Variants in HCN4 observed in about 807,000 individuals in gnomAD.
The protein encoded by HCN4 is hyperpolarization activated cyclic nucleotide gated potassium channel 4.
In HCN4, 29 loss-of-function variants were observed where a neutral mutation model predicts 76.9. That is an observed-to-expected ratio of 0.38 (90% confidence interval 0.28 to 0.51). The LOEUF (loss-of-function observed/expected upper bound fraction) is 0.51, where lower values mean the gene tolerates loss of function less well. Ranked by LOEUF, HCN4 falls within the 20% of genes least tolerant of loss-of-function variation. The probability of loss-of-function intolerance (pLI) is 0.90; values close to 1 mark genes in which losing one functional copy is unlikely to be tolerated. For missense variants in HCN4, 1,416 were observed against 1,715.2 expected (o/e 0.83, Z 3.08); for synonymous variants, 772 against 762.5 (o/e 1.01, Z -0.21).
At chr15:73,354,111 T>C (rs181343468) in intron 1 of HCN4, among the ~76,000 whole-genome samples, 2 of 152,356 alleles carry the variant, frequency 1.3e-5, no homozygotes, top group East Asian at 3.9e-4. Flanking sequence ...ATCTGGGGCT[T>C]GGTTTACAGG....
In HCN4 at chr15:73,343,911, G is replaced by T; in HGVS notation, c.786-103C>A. 1 of 1,275,932 alleles carries T rather than the reference G, an allele frequency of 7.8e-7. No homozygotes were observed. Among genetic ancestry groups the T allele is most frequent in the Non-Finnish European group, 1.1e-6 (1 of 886,446 alleles). The allele number at this position is 1,275,932 out of a possible 1,614,324, so 79.0% of individuals were successfully genotyped here. A position where few individuals can be genotyped will look rare whatever the true frequency, so the allele number is the denominator to read the frequency against. ...ACAGCATCTGGGACAGAGAAGTCTT[G>T]GGAGGTTCTGAGACAGGAAGACAGG... On this transcript the variant is annotated intron_variant, in intron 1 of 7. Coordinates refer to ENST00000261917, the MANE Select transcript of HCN4 (RefSeq NM_005477.3). The surrounding 1 kb of genome is among the most constrained non-coding windows in gnomAD (Gnocchi z 5.7).
chr15:73,343,345 G>C lies in HCN4; in HGVS notation c.1209+40C>G. 6.3e-7 allele frequency: 1 copy of C among 1,592,880 alleles called. No homozygotes were observed. The highest frequency in any genetic ancestry group is 8.6e-7 in the Non-Finnish European group (1 of 1,162,462). On this transcript the variant is annotated intron_variant, in intron 2 of 7. Transcript: ENST00000261917. The surrounding 1 kb of genome is among the most constrained non-coding windows in gnomAD (Gnocchi z 5.7). ...GCCAGTTCCTCACTCCCTCTGTGGG[G>C]AGTGGCCTTTCCCCCAAGAGGTTTG...
chr15:73,322,172 C>T lies in HCN4; in HGVS notation c.*309G>A, dbSNP rs2042862790. ...TAAGAACCGCCAACACTGGCCACTC[C>T]CACCCCTGCCCAGCCCCGGAGACCC... On this transcript the variant is annotated 3_prime_UTR_variant, in exon 8 of 8. Transcript: ENST00000261917. The T allele has an allele frequency of 2.6e-6, 1 of 384,014 alleles. No individual in the cohort carries two copies. Among genetic ancestry groups the T allele is most frequent in the East Asian group, 6.2e-5 (1 of 16,196 alleles). 23.8% of individuals were successfully genotyped at this position (384,014 alleles called of 1,614,324 possible).
intron 1 of HCN4, among the ~76,000 whole-genome samples, chr15:73,364,453 T>C (rs2043119659): frequency 6.6e-6 from 1 of 152,214 alleles, no homozygotes; most frequent in Non-Finnish European, 1.5e-5. Flanking sequence ...TTTGTTGTTG[T>C]TGTTGTTCCA....
In HCN4 at chr15:73,343,567, T is replaced by C. The variant is rs185719200; in HGVS notation, c.1027A>G (p.Met343Val). 6.8e-6 allele frequency: 11 copies of C among 1,614,208 alleles called. No homozygotes were observed. In the East Asian group the frequency reaches 1.6e-4, roughly 23 times the overall value. ...IKMKYLKSWF[M>V]VDFISSIPVD... The stretch of plus-strand genomic sequence containing the variant: ...GGGATGGAGGAAATGAAATCTACCA[T>C]GAACCAGCTTTTCAGGTACTTCATT... Residue 343 changes from methionine to valine, a missense_variant, in exon 2 of 8, where the codon ATG becomes GTG. Physicochemically the swap from Met to Val is conservative, Grantham distance 21. Around this residue, in one of 6 missense-constraint regions of HCN4, gnomAD observed 23 missense variants for 19.1 expected, o/e 1.21. Coordinates refer to ENST00000261917, the MANE Select transcript of HCN4 (RefSeq NM_005477.3). The surrounding 1 kb of genome is among the most constrained non-coding windows in gnomAD (Gnocchi z 5.7).
chr15:73,344,483 G>T (rs2151221464), intron 1 of HCN4, among the ~76,000 whole-genome samples: 1 of 152,242 alleles, frequency 6.6e-6, no homozygotes, highest in Middle Eastern at 3.4e-3. Context: ...CCTATAATCA[G>T]AAAATGTCTG....
chr15:73,361,732 T>C (rs1255711262), intron 1 of HCN4, among the ~76,000 whole-genome samples: 1 of 152,160 alleles, frequency 6.6e-6, no homozygotes, highest in East Asian at 1.9e-4. Context: ...AGCTAATGCC[T>C]TTCAGGGTAG....
intron 1 of HCN4, among the ~76,000 whole-genome samples, chr15:73,353,729 C>G (rs149688893): frequency 2.0e-4 from 31 of 152,224 alleles, no homozygotes; most frequent in African/African-American, 6.5e-4. Context: ...CCAGGGTGAG[C>G]AGGAGTCCTC....
At position 73,368,704 on chromosome 15, in the gene HCN4, A is replaced by AGGGC. The variant is rs1405059180; in HGVS notation, c.-438_-435dup. 1 of 151,926 alleles carries AGGGC rather than the reference A, an allele frequency of 6.6e-6. No homozygotes were observed. The highest frequency in any genetic ancestry group is 1.5e-5 in the Non-Finnish European group (1 of 68,244). The allele number at this position is 151,926 out of a possible 1,614,324, so 9.4% of individuals were successfully genotyped here. ...GGGTCCCGGGCGTGCGTCCCGCGGG[A>AGGGC]GGGCTGGCTGTCCGTCTGTCTCGCC... On this transcript the variant is annotated 5_prime_UTR_variant, in exon 1 of 8. Transcript: ENST00000261917. The surrounding 1 kb of genome is among the most constrained non-coding windows in gnomAD (Gnocchi z 6.9).
chr15:73,324,280 A>T, intron 6 of HCN4, 27 bp from the exon 7 acceptor site: 1 of 1,612,206 alleles, frequency 6.2e-7, no homozygotes, highest in Non-Finnish European at 8.5e-7. Flanking sequence ...ACTCAGGATG[A>T]GGCATGCACA....
In HCN4 at chr15:73,367,503, G is replaced by T; in HGVS notation, c.768C>A (p.His256Gln). The change falls in exon 1 of 8, where the codon CAC becomes CAA. Residue 256 changes from histidine to glutamine, a missense_variant. Around this residue, in one of 6 missense-constraint regions of HCN4, gnomAD observed 52 missense variants for 129.1 expected, o/e 0.40. Coordinates refer to ENST00000261917, the MANE Select transcript of HCN4 (RefSeq NM_005477.3). The surrounding 1 kb of genome is among the most constrained non-coding windows in gnomAD (Gnocchi z 7.5). ...CCCCTTACCTGAAGTCACTGTAGGG[G>T]TGGATAATCCAAAATCCGGCCGACT... ...RVKSAGFWIIHPYSDFRFYWD... is the reference protein window; with the variant it reads ...RVKSAGFWIIQPYSDFRFYWD... 1 of 1,613,834 alleles carries T rather than the reference G, an allele frequency of 6.2e-7. No individual in the cohort carries two copies. The highest frequency in any genetic ancestry group is 8.5e-7 in the Non-Finnish European group (1 of 1,180,012).
chr15:73,326,946 C>T (rs1382705940), intron 4 of HCN4, among the ~76,000 whole-genome samples: 1 of 151,746 alleles, frequency 6.6e-6, no homozygotes. Flanking sequence ...GCCACCACGC[C>T]TGGCTAATTT....
intron 1 of HCN4, among the ~76,000 whole-genome samples, chr15:73,354,987 T>A (rs558970230): frequency 4.6e-5 from 7 of 152,082 alleles, no homozygotes; most frequent in Non-Finnish European, 8.8e-5. Context: ...AGTAAGAGGG[T>A]TGATGCAGAA....
Position 73,322,493 on chromosome 15 carries a change from T to A in HCN4, c.3600A>T (p.Pro1200=), listed in dbSNP as rs529004. Reference sequence around the variant, plus strand: ...GGAAGGGCCCAGCTCATAGATTGGATGGCAGTTTGGAGCGCACTGGCTCAG... The same window carrying A: ...GGAAGGGCCCAGCTCATAGATTGGAAGGCAGTTTGGAGCGCACTGGCTCAG... ...ARPEPVRSKL[P]SNL is the part of the protein sequence containing the mutation. The change falls in exon 8 of 8, where the codon CCA becomes CCT. Residue 1200 remains proline, a synonymous_variant. Transcript: ENST00000261917. 1.3e-6 allele frequency: 2 copies of A among 1,593,820 alleles called. No homozygotes were observed. The highest frequency in any genetic ancestry group is 2.3e-5 in the East Asian group (1 of 43,968).
intron 2 of HCN4, among the ~76,000 whole-genome samples, chr15:73,334,273 G>C (rs1021348213): frequency 9.2e-5 from 14 of 152,164 alleles, no homozygotes; most frequent in African/African-American, 3.4e-4. Flanking sequence ...CTGGAGAGCA[G>C]GCCGGTCTGT....
intron 1 of HCN4, among the ~76,000 whole-genome samples, chr15:73,359,938 T>C (rs1342973165): frequency 6.6e-6 from 1 of 152,198 alleles, no homozygotes; most frequent in Non-Finnish European, 1.5e-5. Flanking sequence ...CACCCGGATA[T>C]GGTCCCCAAA....
In HCN4 at chr15:73,322,378, A is replaced by T; in HGVS notation, c.*103T>A. The T allele has an allele frequency of 1.0e-6, 1 of 980,140 alleles. No homozygotes were observed. Among genetic ancestry groups the T allele is most frequent in the Non-Finnish European group, 1.6e-6 (1 of 630,174 alleles). 60.7% of individuals were successfully genotyped at this position (980,140 alleles called of 1,614,324 possible). A position where few individuals can be genotyped will look rare whatever the true frequency, so the allele number is the denominator to read the frequency against. ...GTTTTTCTGGTGTGTGTGGTTTTTT[A>T]AATAATTATTACTGTTATTGGTATA... On this transcript the variant is annotated 3_prime_UTR_variant, in exon 8 of 8. Coordinates refer to ENST00000261917, the MANE Select transcript of HCN4 (RefSeq NM_005477.3).
Position 73,329,472 on chromosome 15 carries a change from G to A in HCN4, c.1590+101C>T. 3 of 1,045,588 alleles carry A rather than the reference G, an allele frequency of 2.9e-6. No homozygotes were observed. The South Asian group carries it at 4.2e-5, about 14-fold the overall frequency. 64.8% of individuals were successfully genotyped at this position (1,045,588 alleles called of 1,614,324 possible). On this transcript the variant is annotated intron_variant, in intron 4 of 7. Coordinates refer to ENST00000261917, the MANE Select transcript of HCN4 (RefSeq NM_005477.3). ...CACACTGGGAGTTCCGATCCTGTGG[G>A]GTGGGAGCAGGGGGCGGTTCCTGCT...
At chr15:73,327,199 T>G (rs554941303) in intron 4 of HCN4, among the ~76,000 whole-genome samples, 2 of 150,544 alleles carry the variant, frequency 1.3e-5, no homozygotes, top group Admixed American at 1.3e-4. Flanking sequence ...CTCCGCCTCC[T>G]AGGTTCAAGT....
Sources: gnomAD v4.1 joint callset for allele counts (sites outside exome capture counted in the v4.1 genomes callset) on GRCh38, gnomAD v4.1.1 for gene constraint, gnomAD v4.1.1 regional missense constraint, Gnocchi (gnomAD v3.1) non-coding constraint, MANE v1.5 for transcripts, NCBI Gene and HGNC (gene_info 2026-07-23, HGNC 2026-07-21) for gene names.